The following KIF26B variants were observed in gnomAD, a reference collection of about 807,000 sequenced individuals.
The protein encoded by KIF26B is kinesin family member 26B, also known as kinesin-like protein KIF26B.
Under a neutral mutation model 151.2 loss-of-function variants are expected in KIF26B, and 63 were observed. The observed-to-expected ratio is 0.42, with a 90% CI of 0.34 to 0.51. KIF26B has a LOEUF of 0.51. Ranked by LOEUF, KIF26B falls within the 20% of genes least tolerant of loss-of-function variation. KIF26B has a pLI of 0.07. For missense variants in KIF26B, 2,813 were observed against 2,913.6 expected (o/e 0.97, Z 0.79); for synonymous variants, 1,357 against 1,262.1 (o/e 1.08, Z -1.59).
At chr1:245,403,768 CAA>C (rs1411177039) in intron 3 of KIF26B, among the ~76,000 whole-genome samples, 1 of 152,154 alleles carries the variant, frequency 6.6e-6, no homozygotes, top group Non-Finnish European at 1.5e-5. Context: ...TGTGGAAATG[CAA>C]ATAGCATAGT....
chr1:245,163,493 G>A (rs959616241), intron 2 of KIF26B, among the ~76,000 whole-genome samples: 1 of 152,168 alleles, frequency 6.6e-6, no homozygotes, highest in African/African-American at 2.4e-5. Context: ...GTTTGGCAGG[G>A]CTAGCTCTCT....
intron 9 of KIF26B, among the ~76,000 whole-genome samples, chr1:245,644,954 C>T (rs752994625): frequency 9.9e-5 from 15 of 152,014 alleles, no homozygotes; most frequent in East Asian, 1.9e-4. Context: ...AGGAAGCTTA[C>T]GATGATGGTG....
chr1:245,193,047 C>T (rs1362546794), intron 2 of KIF26B, among the ~76,000 whole-genome samples: 2 of 152,206 alleles, frequency 1.3e-5, no homozygotes, highest in South Asian at 2.1e-4. Context: ...CTCTTACCCT[C>T]CACCCTCAAA....
At chr1:245,209,352 G>A (rs1044289069) in intron 2 of KIF26B, among the ~76,000 whole-genome samples, 3 of 151,916 alleles carry the variant, frequency 2.0e-5, no homozygotes, top group Non-Finnish European at 4.4e-5. Flanking sequence ...AGTGAGCTGA[G>A]ATCATGCCAC....
chr1:245,541,490 C>G (rs182229317), intron 5 of KIF26B, among the ~76,000 whole-genome samples: 7 of 152,328 alleles, frequency 4.6e-5, no homozygotes, highest in African/African-American at 1.7e-4. Flanking sequence ...ATCGTGCTTA[C>G]AAGCTGTTGC....
chr1:245,169,653 A>G (rs1668676900), intron 2 of KIF26B, among the ~76,000 whole-genome samples: 1 of 151,912 alleles, frequency 6.6e-6, no homozygotes, highest in African/African-American at 2.4e-5. Context: ...TGGTTTCAAT[A>G]TATCCAATGA....
At chr1:245,290,425 G>T (rs886367776) in intron 2 of KIF26B, among the ~76,000 whole-genome samples, 1 of 152,222 alleles carries the variant, frequency 6.6e-6, no homozygotes, top group African/African-American at 2.4e-5. Context: ...AGAACCGAGG[G>T]TTGCTGGTTG....
chr1:245,534,412 C>T (rs1475808806), intron 4 of KIF26B, among the ~76,000 whole-genome samples: 6 of 152,250 alleles, frequency 3.9e-5, no homozygotes, highest in South Asian at 2.1e-4. Context: ...CTGCCTGCCT[C>T]GGCCTCCCAG....
intron 5 of KIF26B, among the ~76,000 whole-genome samples, chr1:245,543,453 G>A (rs1279729649): frequency 6.6e-6 from 1 of 152,020 alleles, no homozygotes; most frequent in African/African-American, 2.4e-5. Context: ...TGTAATCAAA[G>A]CCCTGAGTTC....
intron 2 of KIF26B, among the ~76,000 whole-genome samples, chr1:245,164,573 G>T (rs1259956940): frequency 2.6e-5 from 4 of 152,218 alleles, no homozygotes; most frequent in Non-Finnish European, 5.9e-5. Context: ...GGCCAGGAAG[G>T]GGTGATGCGT....
intron 5 of KIF26B, among the ~76,000 whole-genome samples, chr1:245,579,340 T>C (rs1367518279): frequency 1.3e-5 from 2 of 152,104 alleles, no homozygotes; most frequent in African/African-American, 2.4e-5. Context: ...AATTAAGTTT[T>C]GAAAAAGGAG....
At chr1:245,695,351 T>C (rs1558277990) in intron 12 of KIF26B, among the ~76,000 whole-genome samples, 1 of 151,948 alleles carries the variant, frequency 6.6e-6, no homozygotes, top group African/African-American at 2.4e-5. Flanking sequence ...CTGACCACAT[T>C]ACCCCTGCCC....
chr1:245,248,869 A>G (rs974423708), intron 2 of KIF26B, among the ~76,000 whole-genome samples: 1 of 152,248 alleles, frequency 6.6e-6, no homozygotes, highest in Non-Finnish European at 1.5e-5. Flanking sequence ...GAAACCAGTC[A>G]GTGGGATGTG....
intron 5 of KIF26B, among the ~76,000 whole-genome samples, chr1:245,589,065 G>A (rs963357419): frequency 1.3e-5 from 2 of 152,126 alleles, no homozygotes; most frequent in Non-Finnish European, 1.5e-5. Context: ...TTCAGTATAC[G>A]TCGGGCTCTT....
At chr1:245,400,477 A>G (rs1437228432) in intron 3 of KIF26B, among the ~76,000 whole-genome samples, 1 of 147,392 alleles carries the variant, frequency 6.8e-6, no homozygotes, top group Admixed American at 7.0e-5. Context: ...AAACAATCAC[A>G]TAGATAGTGA....
rs1715778 is a variant in KIF26B, at chr1:245,564,230, T to C, written c.1350+23280T>C. On this transcript the variant is annotated intron_variant, in intron 5 of 14. Transcript: ENST00000407071. This position sits in a 1 kb window ranked among gnomAD's most constrained non-coding sequence, Gnocchi z 4.6. ...GCCCCTGGGTTCACGCCACTTAGAA[T>C]GAGCTTCCCCCCATTTTCTGCGATA... is the stretch of plus-strand genomic sequence containing the variant. Among the ~76,000 whole-genome samples the C allele has an allele frequency of 0.17, 25,519 of 152,066 alleles. 3,469 individuals are homozygous for C. Among genetic ancestry groups the C allele is most frequent in the African/African-American group, 0.35 (14,654 of 41,456 alleles).
In KIF26B at chr1:245,708,920, A is replaced by C. The variant is rs1572219876; in HGVS notation, c.*6314A>C. ...GCATTTATTGTGCCAGAAACAGTGA[A>C]TTCCTAAATAAGTTCATAAAATCTT... On this transcript the variant is annotated 3_prime_UTR_variant, in exon 15 of 15. Transcript: ENST00000407071. 3 of 152,220 alleles carry C rather than the reference A, an allele frequency of 2.0e-5. No individual in the cohort carries two copies. Among genetic ancestry groups the C allele is most frequent in the Non-Finnish European group, 2.9e-5 (2 of 68,036 alleles). 9.4% of individuals were successfully genotyped at this position (152,220 alleles called of 1,614,324 possible).
At chr1:245,557,562 G>A (rs1472059876) in intron 5 of KIF26B, among the ~76,000 whole-genome samples, 1 of 152,172 alleles carries the variant, frequency 6.6e-6, no homozygotes, top group Non-Finnish European at 1.5e-5. Flanking sequence ...TTGGGGCTGT[G>A]GGAGCACCTC....
At chr1:245,342,727 G>A (rs550167905) in intron 2 of KIF26B, among the ~76,000 whole-genome samples, 2 of 152,256 alleles carry the variant, frequency 1.3e-5, no homozygotes, top group South Asian at 2.1e-4. Flanking sequence ...GCAAGAAGAA[G>A]GGGAGGGAGG....
Sources: allele counts gnomAD v4.1 joint callset (sites outside exome capture counted in the v4.1 genomes callset), GRCh38; gene constraint gnomAD v4.1.1; non-coding constraint Gnocchi (gnomAD v3.1); transcripts MANE v1.5; gene names NCBI Gene and HGNC (gene_info 2026-07-23, HGNC 2026-07-21).